The following SP140 variants were observed in gnomAD, a reference collection of about 807,000 sequenced individuals.
SP140 encodes the protein nuclear body protein SP140.
A neutral mutation model predicts 125.0 loss-of-function variants in SP140; 81 were observed. The observed-to-expected ratio is 0.65, with a 90% CI of 0.54 to 0.78. The LOEUF is 0.78. Ranked by LOEUF, SP140 falls within the 30% of genes least tolerant of loss-of-function variation. SP140 has a pLI of 0.00. For missense variants in SP140, 858 were observed against 1,037.0 expected (o/e 0.83, Z 2.37); for synonymous variants, 312 against 354.0 (o/e 0.88, Z 1.33).
chr2:230,255,483 T>C lies in SP140; in HGVS notation c.1191T>C (p.Asp397=), dbSNP rs761145082. Residue 397 remains aspartate, a synonymous_variant, in exon 12 of 27, where the codon GAT becomes GAC. Transcript: ENST00000392045. Reference sequence around the variant, plus strand: ...GTGATGACTGTTCGGAAATGTGTGATGGAGAAGAGCGCCAGGAAGCCTCTA... The same window carrying C: ...GTGATGACTGTTCGGAAATGTGTGACGGAGAAGAGCGCCAGGAAGCCTCTA... ...EGSDDCSEMC[D]GEERQEASSS... The C allele has an allele frequency of 6.2e-7, 1 of 1,613,468 alleles. No individual in the cohort carries two copies.
At chr2:230,270,384 C>T (rs547826622) in intron 14 of SP140, among the ~76,000 whole-genome samples, 8 of 152,238 alleles carry the variant, frequency 5.3e-5, no homozygotes, top group Admixed American at 6.5e-5. Context: ...TAGCCCAACA[C>T]GTATTTTTGA....
intron 1 of SP140, among the ~76,000 whole-genome samples, chr2:230,207,228 C>T (rs2043966865): frequency 6.6e-6 from 1 of 152,136 alleles, no homozygotes; most frequent in Admixed American, 6.6e-5. Flanking sequence ...TTCTACATCC[C>T]TTATACATGA....
chr2:230,269,194 T>G (rs1037278960), intron 12 of SP140, among the ~76,000 whole-genome samples: 9 of 152,148 alleles, frequency 5.9e-5, no homozygotes, highest in African/African-American at 9.7e-5. Context: ...TGACTGGGGA[T>G]ATAAGTAGTC....
upstream of SP140, chr2:230,202,482 C>T: frequency 3.5e-6 from 4 of 1,150,412 alleles, no homozygotes; most frequent in Admixed American, 1.9e-5. Flanking sequence ...TTTCCTTTTA[C>T]TATTGACTTT....
chr2:230,227,044 T>C (rs889743334), intron 1 of SP140, among the ~76,000 whole-genome samples: 9 of 152,188 alleles, frequency 5.9e-5, no homozygotes, highest in African/African-American at 1.9e-4. Context: ...TATCAGGGAC[T>C]TGAGCATCCA....
intron 15 of SP140, among the ~76,000 whole-genome samples, chr2:230,280,467 C>T (rs1426948344): frequency 1.3e-5 from 2 of 152,076 alleles, no homozygotes; most frequent in African/African-American, 2.4e-5. Flanking sequence ...AGGTAAATTT[C>T]AATTTGTTTA....
chr2:230,315,589 C>T (rs1484827128), downstream of SP140, among the ~76,000 whole-genome samples: 1 of 152,108 alleles, frequency 6.6e-6, no homozygotes, highest in Non-Finnish European at 1.5e-5. Flanking sequence ...TTGGCTGACC[C>T]GGTTCCTTAA....
At chr2:230,289,922 G>T (rs929614760) in intron 18 of SP140, among the ~76,000 whole-genome samples, 11 of 152,160 alleles carry the variant, frequency 7.2e-5, no homozygotes, top group African/African-American at 2.4e-4. Flanking sequence ...AGCTCCCTGA[G>T]CTCTTCTCTT....
chr2:230,249,489 A>G (rs1382217954), intron 9 of SP140, among the ~76,000 whole-genome samples: 1 of 152,186 alleles, frequency 6.6e-6, no homozygotes, highest in East Asian at 1.9e-4. Context: ...CTGGAAGAAG[A>G]TAACTTTGAG....
chr2:230,248,659 A>G (rs1036316621), intron 8 of SP140, among the ~76,000 whole-genome samples: 4 of 152,232 alleles, frequency 2.6e-5, no homozygotes, highest in Non-Finnish European at 5.9e-5. Flanking sequence ...AGAAGATCAG[A>G]CAATCCAAGC....
chr2:230,258,097 T>A lies in SP140; in HGVS notation c.1240+2565T>A, dbSNP rs181147667. Among the ~76,000 whole-genome samples the A allele has an allele frequency of 3.0e-4, 46 of 152,302 alleles. 1 individual carries two copies. The highest frequency in any genetic ancestry group is 1.1e-3 in the African/African-American group (45 of 41,576). The stretch of plus-strand genomic sequence containing the variant: ...TAATTGGGATGATTCTGGTTGTTAT[T>A]GACCATATGGCCAAACAATAATGAG... On this transcript the variant is annotated intron_variant, in intron 12 of 26. Coordinates refer to ENST00000392045, the MANE Select transcript of SP140 (RefSeq NM_007237.5).
intron 1 of SP140, among the ~76,000 whole-genome samples, chr2:230,232,013 C>T (rs2047325777): frequency 6.6e-6 from 1 of 152,120 alleles, no homozygotes; most frequent in Non-Finnish European, 1.5e-5. Context: ...CCAGCCTCAC[C>T]TCCACCCTTT....
rs559471888 is a variant in SP140, at chr2:230,250,005, T to A, written c.977-976T>A. On this transcript the variant is annotated intron_variant, in intron 9 of 26. Transcript: ENST00000392045. ...TGCTTTCCAAGCTCTTCCATCCATG[T>A]GCCTGAAGATATTTATCCCAGGACC... Among the ~76,000 whole-genome samples, 4 of 152,370 alleles carry A rather than the reference T, an allele frequency of 2.6e-5. No homozygotes were observed. The East Asian group carries it at 5.8e-4, about 22-fold the overall frequency.
At chr2:230,236,525 C>A (rs1237922200) in intron 1 of SP140, among the ~76,000 whole-genome samples, 3 of 152,128 alleles carry the variant, frequency 2.0e-5, no homozygotes, top group Admixed American at 2.0e-4. Context: ...TGTTTGGAGA[C>A]CCAGGAGAGC....
At chr2:230,194,264 C>T in the SP140 span, among the ~76,000 whole-genome samples, 14 of 152,030 alleles carry the variant, frequency 9.2e-5, no homozygotes, top group Admixed American at 4.6e-4. Context: ...CCCCACTGAC[C>T]GGCATATCTT....
At chr2:230,288,073 C>G in intron 18 of SP140, 107 bp downstream of exon 18, 1 of 899,464 alleles carries the variant, frequency 1.1e-6, no homozygotes, top group Non-Finnish European at 1.6e-6. Flanking sequence ...TTTTATGAAG[C>G]TGTACTAACT....
At chr2:230,191,926 A>G in the SP140 span, among the ~76,000 whole-genome samples, 5 of 152,078 alleles carry the variant, frequency 3.3e-5, no homozygotes, top group African/African-American at 1.2e-4. Context: ...ACATCAAAAA[A>G]CTTATTCACC....
upstream of SP140, among the ~76,000 whole-genome samples, chr2:230,201,913 A>G (rs1178629807): frequency 1.3e-5 from 2 of 152,228 alleles, no homozygotes; most frequent in African/African-American, 4.8e-5. Flanking sequence ...ATATCCACAG[A>G]TATCTCAAAA....
chr2:230,257,123 G>A (rs2051347990), intron 12 of SP140, among the ~76,000 whole-genome samples: 1 of 152,128 alleles, frequency 6.6e-6, no homozygotes, highest in African/African-American at 2.4e-5. Context: ...CTCATAGTCT[G>A]AGTCCAATGT....
Sources: gnomAD v4.1 joint callset for allele counts (sites outside exome capture counted in the v4.1 genomes callset) on GRCh38, gnomAD v4.1.1 for gene constraint, MANE v1.5 for transcripts, NCBI Gene and HGNC (gene_info 2026-07-23, HGNC 2026-07-21) for gene names.